Variants in ARAP2 observed in about 807,000 individuals in gnomAD.
ARAP2 encodes the protein ArfGAP with RhoGAP domain, ankyrin repeat and PH domain 2.
ARAP2 carries 148 observed loss-of-function variants against 194.5 expected under a neutral mutation model. That is an observed-to-expected ratio of 0.76 (90% confidence interval 0.67 to 0.87). The LOEUF (loss-of-function observed/expected upper bound fraction) is 0.87, where lower values mean the gene tolerates loss of function less well. ARAP2 is among the 40% of genes least tolerant of loss of function. The pLI is 0.00. For synonymous variants in ARAP2, 695 were observed against 683.5 expected (o/e 1.02, Z -0.26); for missense variants, 2,128 against 1,989.7 (o/e 1.07, Z -1.32).
Position 36,124,924 on chromosome 4 carries a change from A to T in ARAP2, c.3684T>A (p.Phe1228Leu). The T allele has an allele frequency of 6.2e-7, 1 of 1,611,230 alleles. No individual in the cohort carries two copies. The highest frequency in any genetic ancestry group is 8.5e-7 in the Non-Finnish European group (1 of 1,178,236). The change falls in exon 22 of 33, where the codon TTT becomes TTA. Residue 1228 changes from phenylalanine to leucine, a missense_variant. Physicochemically the swap from Phe to Leu is conservative, Grantham distance 22. Coordinates refer to ENST00000303965, the MANE Select transcript of ARAP2 (RefSeq NM_015230.4). ...DKERIKKYGA[F>L]IRSLPGVNRA... ...GGTTGACCCCTGGAAGAGAACGTAT[A>T]AATGCTCCATATTTTTTAATTCTTT... is the stretch of plus-strand genomic sequence containing the variant.
intron 8 of ARAP2, among the ~76,000 whole-genome samples, chr4:36,182,852 G>C (rs1440045480): frequency 6.6e-6 from 1 of 152,180 alleles, no homozygotes; most frequent in Admixed American, 6.5e-5. Flanking sequence ...GGGTGGAAAT[G>C]GGAATTTTGA....
At chr4:36,188,199 C>G (rs1367943349) in intron 7 of ARAP2, among the ~76,000 whole-genome samples, 1 of 152,098 alleles carries the variant, frequency 6.6e-6, no homozygotes, top group Non-Finnish European at 1.5e-5. Context: ...ACTTCGATAA[C>G]TTTTTAATCC....
intron 16 of ARAP2, 103 bp from the exon 17 acceptor site, chr4:36,148,610 A>G (rs1215654203): frequency 2.8e-5 from 23 of 823,450 alleles, no homozygotes; most frequent in Middle Eastern, 2.5e-4. Context: ...TTTAAAATAA[A>G]CTAATGTTAT....
chr4:36,094,247 C>A (rs777021002), intron 27 of ARAP2, among the ~76,000 whole-genome samples: 4 of 152,046 alleles, frequency 2.6e-5, no homozygotes, highest in Non-Finnish European at 5.9e-5. Context: ...ACATGAAATT[C>A]ATTAGTCCTA....
At chr4:36,024,889 T>A (rs1359843369) in intron 5 of ARAP2, among the ~76,000 whole-genome samples, 1 of 152,128 alleles carries the variant, frequency 6.6e-6, no homozygotes, top group African/African-American at 2.4e-5. Flanking sequence ...ACAGGCAAAA[T>A]TAACTTTCTG....
At chr4:36,197,486 T>G (rs1743378146) in intron 6 of ARAP2, among the ~76,000 whole-genome samples, 1 of 152,266 alleles carries the variant, frequency 6.6e-6, no homozygotes, top group African/African-American at 2.4e-5. Context: ...AAAACTACTG[T>G]TGCAGGATCC....
intron 5 of ARAP2, among the ~76,000 whole-genome samples, chr4:36,044,949 G>C (rs987888051): frequency 2.0e-5 from 3 of 151,558 alleles, no homozygotes; most frequent in Admixed American, 6.6e-5. Context: ...TTAAAAAAAA[G>C]TGCTCAACAT....
downstream of ARAP2, among the ~76,000 whole-genome samples, chr4:36,061,095 T>A (rs998925130): frequency 6.6e-6 from 1 of 152,130 alleles, no homozygotes; most frequent in African/African-American, 2.4e-5. Context: ...TATGGGTACA[T>A]AGTAGGTGTA....
chr4:36,237,671 C>A (rs1387987468), intron 1 of ARAP2, among the ~76,000 whole-genome samples: 1 of 152,184 alleles, frequency 6.6e-6, no homozygotes, highest in Non-Finnish European at 1.5e-5. Flanking sequence ...TGGATGCCAG[C>A]TCCATGCTTG....
intron 1 of ARAP2, among the ~76,000 whole-genome samples, chr4:36,243,187 T>C (rs1373519172): frequency 1.3e-5 from 2 of 152,048 alleles, no homozygotes; most frequent in African/African-American, 4.8e-5. Flanking sequence ...CAAAGTTCCA[T>C]GGGCCTGTGG....
chr4:36,112,469 T>G (rs1269853299), intron 26 of ARAP2, among the ~76,000 whole-genome samples: 1 of 151,986 alleles, frequency 6.6e-6, no homozygotes, highest in African/African-American at 2.4e-5. Flanking sequence ...TAAACCAATT[T>G]GTAATGTGGA....
At chr4:36,106,105 A>T (rs1316839347) in intron 27 of ARAP2, among the ~76,000 whole-genome samples, 1 of 151,892 alleles carries the variant, frequency 6.6e-6, no homozygotes, top group African/African-American at 2.4e-5. Context: ...CCAAGTTGTG[A>T]CAGTCAGAAA....
intron 8 of ARAP2, among the ~76,000 whole-genome samples, chr4:36,014,257 GAAAGAAAGAAAGAA>G (rs1715176582): frequency 2.2e-5 from 3 of 134,628 alleles, no homozygotes; most frequent in African/African-American, 8.8e-5. Context: ...AAGAAAGAAA[GAAAGAAAGAAAGAA>G]AGAAAGAAAG....
chr4:36,182,630 T>C (rs1474528973), intron 8 of ARAP2, among the ~76,000 whole-genome samples: 2 of 152,230 alleles, frequency 1.3e-5, no homozygotes, highest in African/African-American at 4.8e-5. Flanking sequence ...TGATGACAGC[T>C]GATCTCATGA....
At chr4:36,024,098 T>C (rs1385925548) in intron 5 of ARAP2, among the ~76,000 whole-genome samples, 2 of 152,178 alleles carry the variant, frequency 1.3e-5, no homozygotes, top group African/African-American at 2.4e-5. Flanking sequence ...CTTTTCTTCA[T>C]GTGAGTTAGA....
chr4:36,218,178 G>T (rs1303264320), intron 2 of ARAP2, among the ~76,000 whole-genome samples: 1 of 152,110 alleles, frequency 6.6e-6, no homozygotes, highest in African/African-American at 2.4e-5. Flanking sequence ...TTACATGGAT[G>T]GAGCAGGAGG....
intron 1 of ARAP2, among the ~76,000 whole-genome samples, chr4:36,234,102 G>A (rs952683218): frequency 6.6e-6 from 1 of 152,148 alleles, no homozygotes; most frequent in African/African-American, 2.4e-5. Flanking sequence ...AGAGAATTGC[G>A]GTTTCTCTCA....
intron 9 of ARAP2, among the ~76,000 whole-genome samples, chr4:36,170,503 T>A (rs1736370935): frequency 1.3e-5 from 2 of 152,184 alleles, no homozygotes; most frequent in Non-Finnish European, 1.5e-5. Context: ...CCAAAAACCA[T>A]TTGAAATAAT....
chr4:36,112,234 A>T (rs1348662526), intron 26 of ARAP2, among the ~76,000 whole-genome samples: 2 of 151,962 alleles, frequency 1.3e-5, no homozygotes, highest in African/African-American at 2.4e-5. Context: ...TCAAAAATAT[A>T]AAGCCTGAAA....
Sources: allele counts gnomAD v4.1 joint callset (sites outside exome capture counted in the v4.1 genomes callset), GRCh38; gene constraint gnomAD v4.1.1; transcripts MANE v1.5; gene names NCBI Gene and HGNC (gene_info 2026-07-23, HGNC 2026-07-21).